The following ADAMTS6 variants were observed in gnomAD, a reference collection of about 807,000 sequenced individuals.
ADAMTS6 encodes ADAM metallopeptidase with thrombospondin type 1 motif 6, also known as A disintegrin and metalloproteinase with thrombospondin motifs 6.
In ADAMTS6, 23 loss-of-function variants were observed where a neutral mutation model predicts 144.3. The observed-to-expected ratio is 0.16, with a 90% CI of 0.11 to 0.23. The LOEUF is 0.23. Ranked by LOEUF, ADAMTS6 falls within the 10% of genes least tolerant of loss-of-function variation. ADAMTS6 has a pLI of 1.00. For synonymous variants in ADAMTS6, 444 were observed against 457.5 expected, an observed-to-expected ratio of 0.97 and a Z score of 0.38; for missense variants, 999 against 1,379.6, an observed-to-expected ratio of 0.72 and a Z score of 4.37.
chr5:65,188,276 T>C, intron 21 of ADAMTS6, 56 bp from the exon 22 acceptor site: 1 of 1,578,222 alleles, frequency 6.3e-7, no homozygotes, highest in Middle Eastern at 2.1e-4. Flanking sequence ...CATCCAGAGA[T>C]TTTTAGCTAA....
At chr5:65,291,032 A>G (rs1246131286) in intron 11 of ADAMTS6, among the ~76,000 whole-genome samples, 2 of 152,238 alleles carry the variant, frequency 1.3e-5, no homozygotes, top group Non-Finnish European at 2.9e-5. Context: ...TAACATTTCA[A>G]AAGACGAAAT....
intron 11 of ADAMTS6, among the ~76,000 whole-genome samples, chr5:65,278,762 A>G (rs937124927): frequency 1.4e-4 from 22 of 152,114 alleles, no homozygotes; most frequent in African/African-American, 5.3e-4. Context: ...ACACTTTTTC[A>G]TATTTTTCTG....
At chr5:65,447,649 A>G (rs1213343514) in intron 7 of ADAMTS6, among the ~76,000 whole-genome samples, 1 of 152,046 alleles carries the variant, frequency 6.6e-6, no homozygotes, top group Admixed American at 6.6e-5. Flanking sequence ...ATATAATGTC[A>G]TATTTCACCA....
intron 7 of ADAMTS6, among the ~76,000 whole-genome samples, chr5:65,399,500 A>G (rs895497710): frequency 6.6e-5 from 10 of 151,226 alleles, no homozygotes; most frequent in African/African-American, 2.2e-4. Flanking sequence ...TTTCTCTCTT[A>G]TTTTCGTGTA....
intron 24 of ADAMTS6, among the ~76,000 whole-genome samples, chr5:65,155,682 C>G (rs765423406): frequency 6.6e-6 from 1 of 152,150 alleles, no homozygotes; most frequent in Non-Finnish European, 1.5e-5. Flanking sequence ...CTGGGTCACA[C>G]AGCTAGTTGG....
chr5:65,197,166 G>A lies in ADAMTS6; in HGVS notation c.2576-15C>T. On this transcript the variant is annotated splice_polypyrimidine_tract_variant and intron_variant, in intron 20 of 24. Coordinates refer to ENST00000381055, the MANE Select transcript of ADAMTS6 (RefSeq NM_197941.4). ...TCTTTGGACACCTTGAGAAAAGGAGGACATCATTAATTGAAGAGAAGTTTA... is the reference window on the plus strand; with the variant it reads ...TCTTTGGACACCTTGAGAAAAGGAGAACATCATTAATTGAAGAGAAGTTTA... 6 of 1,612,086 alleles carry A rather than the reference G, an allele frequency of 3.7e-6. No individual in the cohort carries two copies. Among genetic ancestry groups the A allele is most frequent in the Non-Finnish European group, 5.1e-6 (6 of 1,179,152 alleles).
At chr5:65,257,917 C>T (rs1383945107) in intron 14 of ADAMTS6, among the ~76,000 whole-genome samples, 2 of 152,144 alleles carry the variant, frequency 1.3e-5, no homozygotes, top group East Asian at 3.8e-4. Flanking sequence ...TTTATAAGCT[C>T]TTTGAGGGCA....
At chr5:65,467,520 A>C (rs1163843618) in intron 3 of ADAMTS6, among the ~76,000 whole-genome samples, 5 of 152,146 alleles carry the variant, frequency 3.3e-5, no homozygotes, top group Non-Finnish European at 5.9e-5. Context: ...ATACCTGTGA[A>C]TCAATGCTAA....
chr5:65,369,256 G>A (rs1172193997), intron 7 of ADAMTS6, among the ~76,000 whole-genome samples: 3 of 151,948 alleles, frequency 2.0e-5, no homozygotes, highest in African/African-American at 7.2e-5. Flanking sequence ...AAATAATTAC[G>A]CCAAAATTTG....
intron 7 of ADAMTS6, among the ~76,000 whole-genome samples, chr5:65,403,363 A>T (rs11960293): frequency 0.23 from 35,614 of 151,782 alleles, 6,743 homozygotes; most frequent in African/African-American, 0.53. Context: ...TATCTATATA[A>T]TTATGTCTCC....
intron 9 of ADAMTS6, among the ~76,000 whole-genome samples, chr5:65,306,804 G>T (rs944397898): frequency 6.6e-6 from 1 of 152,066 alleles, no homozygotes; most frequent in African/African-American, 2.4e-5. Flanking sequence ...CTTTTTATAC[G>T]CTTATTGACA....
intron 9 of ADAMTS6, among the ~76,000 whole-genome samples, chr5:65,311,228 T>C (rs1744466688): frequency 6.6e-6 from 1 of 152,060 alleles, no homozygotes; most frequent in South Asian, 2.1e-4. Context: ...CATACCTCCC[T>C]TAATGGTGGA....
intron 7 of ADAMTS6, among the ~76,000 whole-genome samples, chr5:65,418,796 A>C (rs900838202): frequency 1.3e-5 from 2 of 152,232 alleles, no homozygotes; most frequent in Non-Finnish European, 2.9e-5. Context: ...CATATGAAAA[A>C]ATGCTAAACA....
chr5:65,282,467 GGTGCCAGACTCCCA>G (rs1763056380), intron 11 of ADAMTS6, among the ~76,000 whole-genome samples: 1 of 152,038 alleles, frequency 6.6e-6, no homozygotes, highest in Non-Finnish European at 1.5e-5. Context: ...GACTTAAAAA[GGTGCCAGACTCCCA>G]GTTAATTCTC....
chr5:65,251,934 T>C (rs1760200093), intron 14 of ADAMTS6: 1 of 152,208 alleles, frequency 6.6e-6, no homozygotes, highest in African/African-American at 2.4e-5. Flanking sequence ...AGAGCTCTCT[T>C]CTCTTCCTAC....
intron 7 of ADAMTS6, among the ~76,000 whole-genome samples, chr5:65,398,513 T>G (rs997002799): frequency 1.3e-5 from 2 of 151,922 alleles, no homozygotes; most frequent in Admixed American, 1.3e-4. Flanking sequence ...TCACTTGAGG[T>G]CAGGAGTTCG....
At chr5:65,219,927 A>G (rs1757193585) in intron 18 of ADAMTS6, among the ~76,000 whole-genome samples, 3 of 152,246 alleles carry the variant, frequency 2.0e-5, no homozygotes, top group Admixed American at 2.0e-4. Flanking sequence ...AATGGGAGAT[A>G]TCGACGTAAT....
At chr5:65,266,904 T>C (rs756534030) in intron 12 of ADAMTS6, among the ~76,000 whole-genome samples, 1 of 151,980 alleles carries the variant, frequency 6.6e-6, no homozygotes, top group Non-Finnish European at 1.5e-5. Context: ...AGAAACTTAT[T>C]TAATTAACAA....
chr5:65,343,713 A>T (rs2150078525), intron 7 of ADAMTS6, among the ~76,000 whole-genome samples: 1 of 152,242 alleles, frequency 6.6e-6, no homozygotes, highest in South Asian at 2.1e-4. Flanking sequence ...TATGAAACTA[A>T]AAAGCTTCTG....
Sources: gnomAD v4.1 joint callset for allele counts (sites outside exome capture counted in the v4.1 genomes callset) on GRCh38, gnomAD v4.1.1 for gene constraint, MANE v1.5 for transcripts, NCBI Gene and HGNC (gene_info 2026-07-23, HGNC 2026-07-21) for gene names.